Variants in USP37 observed in about 807,000 individuals in gnomAD.
The protein encoded by USP37 is ubiquitin carboxyl-terminal hydrolase 37.
A neutral mutation model predicts 124.0 loss-of-function variants in USP37; 27 were observed. The observed-to-expected ratio is 0.22, with a 90% CI of 0.16 to 0.30. The LOEUF is 0.30. Ranked by LOEUF, USP37 falls within the 10% of genes least tolerant of loss-of-function variation. USP37 has a pLI of 1.00. For synonymous variants in USP37, 365 were observed against 388.0 expected (o/e 0.94, Z 0.70); for missense variants, 889 against 1,140.4 (o/e 0.78, Z 3.17).
chr2:218,550,214 A>G (rs1351502843), intron 5 of USP37, among the ~76,000 whole-genome samples: 1 of 152,204 alleles, frequency 6.6e-6, no homozygotes, highest in Non-Finnish European at 1.5e-5. Context: ...AATTATATTA[A>G]TAACACTATG....
chr2:218,532,143 G>A (rs952907835), intron 9 of USP37, among the ~76,000 whole-genome samples: 1 of 152,092 alleles, frequency 6.6e-6, no homozygotes, highest in African/African-American at 2.4e-5. Flanking sequence ...ATGAAACGAA[G>A]AGTCAATCAG....
At chr2:218,459,663 C>A in intron 23 of USP37, 127 bp downstream of exon 23, 5 of 607,320 alleles carry the variant, frequency 8.2e-6, no homozygotes, top group Admixed American at 3.2e-5. Flanking sequence ...AAAATGAGAC[C>A]ATCTAATGGC....
At chr2:218,526,964 A>G (rs1691009972) in intron 10 of USP37, among the ~76,000 whole-genome samples, 1 of 151,026 alleles carries the variant, frequency 6.6e-6, no homozygotes, top group South Asian at 2.1e-4. Context: ...AATTTTTTGT[A>G]TTTTTAGTAG....
chr2:218,498,736 AAAAT>A (rs1160711214), intron 11 of USP37, among the ~76,000 whole-genome samples: 3 of 152,152 alleles, frequency 2.0e-5, no homozygotes, highest in Non-Finnish European at 4.4e-5. Context: ...CAAAATAAAT[AAAAT>A]AAATAAATAA....
At chr2:218,483,545 T>G (rs966410380) in intron 16 of USP37, among the ~76,000 whole-genome samples, 2 of 147,834 alleles carry the variant, frequency 1.4e-5, no homozygotes, top group Non-Finnish European at 3.0e-5. Context: ...GAAGCTTCTA[T>G]CACATAAGTC....
chr2:218,490,639 T>C (rs950212569), intron 14 of USP37, among the ~76,000 whole-genome samples: 1 of 152,142 alleles, frequency 6.6e-6, no homozygotes, highest in Non-Finnish European at 1.5e-5. Flanking sequence ...TCAACGAACA[T>C]TTACTGAGTG....
At chr2:218,537,248 T>C (rs895395306) in intron 8 of USP37, among the ~76,000 whole-genome samples, 4 of 152,194 alleles carry the variant, frequency 2.6e-5, no homozygotes, top group Non-Finnish European at 5.9e-5. Flanking sequence ...GATTTCCTTT[T>C]CCCAAAACAA....
At chr2:218,467,598 C>A (rs1690423517) in intron 20 of USP37, among the ~76,000 whole-genome samples, 1 of 152,116 alleles carries the variant, frequency 6.6e-6, no homozygotes, top group Admixed American at 6.5e-5. Context: ...CCGCCCACCT[C>A]AGCCTCCCAA....
chr2:218,538,424 T>G (rs184779234), intron 8 of USP37, among the ~76,000 whole-genome samples: 2 of 152,286 alleles, frequency 1.3e-5, no homozygotes, highest in East Asian at 1.9e-4. Flanking sequence ...TATGGGAGTA[T>G]GTACAAAGAG....
chr2:218,547,666 C>G (rs929850220), intron 6 of USP37, among the ~76,000 whole-genome samples: 1 of 147,938 alleles, frequency 6.8e-6, no homozygotes, highest in Non-Finnish European at 1.5e-5. Context: ...AAAAAAATAT[C>G]TAATTATGAT....
At chr2:218,510,278 AG>A (rs1559196524) in intron 10 of USP37, 138 bp from the exon 11 acceptor site, 1 of 898,692 alleles carries the variant, frequency 1.1e-6, no homozygotes. Context: ...TGATCACTTA[AG>A]GGAAAACTCT....
intron 23 of USP37, among the ~76,000 whole-genome samples, chr2:218,457,417 C>G (rs1282494470): frequency 6.6e-6 from 1 of 152,084 alleles, no homozygotes; most frequent in Admixed American, 6.6e-5. Context: ...AAAGCTGGAA[C>G]CAACAATATA....
At chr2:218,563,360 G>A (rs1454053588) in intron 1 of USP37, among the ~76,000 whole-genome samples, 3 of 152,182 alleles carry the variant, frequency 2.0e-5, no homozygotes, top group African/African-American at 7.2e-5. Flanking sequence ...CCTGCACCTT[G>A]TTCAACTTGT....
intron 10 of USP37, among the ~76,000 whole-genome samples, chr2:218,510,791 G>A (rs1328906267): frequency 6.6e-6 from 1 of 152,090 alleles, no homozygotes; most frequent in Non-Finnish European, 1.5e-5. Flanking sequence ...TCAGGAGTTT[G>A]AGACCAGCTT....
At chr2:218,553,110 T>C (rs1158684347) in intron 5 of USP37, among the ~76,000 whole-genome samples, 1 of 152,238 alleles carries the variant, frequency 6.6e-6, no homozygotes, top group Non-Finnish European at 1.5e-5. Flanking sequence ...CTAAGACTTC[T>C]AGTACTATGT....
At chr2:218,477,069 C>A in intron 18 of USP37, 88 bp from the exon 19 acceptor site, 1 of 1,350,360 alleles carries the variant, frequency 7.4e-7, no homozygotes, top group Non-Finnish European at 9.7e-7. Context: ...AATTGCTTTT[C>A]CATTACGGAA....
chr2:218,512,551 TAGAATACTCACATGGGAAA>T (rs1559198279), intron 10 of USP37, among the ~76,000 whole-genome samples: 22 of 152,168 alleles, frequency 1.4e-4, no homozygotes, highest in Non-Finnish European at 2.6e-4. Flanking sequence ...AATTGCGAAA[TAGAATACTCACATGGGAAA>T]AGTGTATAAA....
intron 3 of USP37, 37 bp downstream of exon 3, chr2:218,560,783 A>G (rs572624195): frequency 1.5e-4 from 23 of 152,304 alleles, no homozygotes; most frequent in African/African-American, 5.1e-4. Flanking sequence ...ATGAATTCAA[A>G]TTTATTTTTA....
chr2:218,497,801 T>A lies in USP37; in HGVS notation c.1214A>T (p.Asp405Val). ...KDICNSETKK[D>V]LLKKVKNAIS... is the part of the protein sequence containing the mutation. ...GGCATTTTTAACCTTCTTGAGTAAATCCTTTTTGGTCTCTGAATTACAGAT... is the reference window on the plus strand; with the variant it reads ...GGCATTTTTAACCTTCTTGAGTAAAACCTTTTTGGTCTCTGAATTACAGAT... The change falls in exon 13 of 26, where the codon GAT becomes GTT. Residue 405 changes from aspartate to valine, a missense_variant. Coordinates refer to ENST00000258399, the MANE Select transcript of USP37 (RefSeq NM_020935.3). 1 of 1,614,112 alleles carries A rather than the reference T, an allele frequency of 6.2e-7. No homozygotes were observed. The highest frequency in any genetic ancestry group is 8.5e-7 in the Non-Finnish European group (1 of 1,180,016).
Sources: allele counts gnomAD v4.1 joint callset (sites outside exome capture counted in the v4.1 genomes callset), GRCh38; gene constraint gnomAD v4.1.1; transcripts MANE v1.5; gene names NCBI Gene and HGNC (gene_info 2026-07-23, HGNC 2026-07-21).